Variants in LRRC8C observed in about 807,000 individuals in gnomAD.
LRRC8C encodes volume-regulated anion channel subunit LRRC8C.
In LRRC8C, 20 loss-of-function variants were observed where a neutral mutation model predicts 55.3. The ratio of observed to expected loss-of-function variants is 0.36; its 90% CI spans 0.25 to 0.53. LRRC8C has a LOEUF of 0.53. LRRC8C is among the 20% of genes least tolerant of loss of function. LRRC8C has a pLI of 0.92. For missense variants in LRRC8C, 659 were observed against 951.4 expected, an observed-to-expected ratio of 0.69 and a Z score of 4.04; for synonymous variants, 376 against 360.7, an observed-to-expected ratio of 1.04 and a Z score of -0.48.
chr1:89,651,722 A>G (rs1304065261), intron 1 of LRRC8C, among the ~76,000 whole-genome samples: 1 of 152,198 alleles, frequency 6.6e-6, no homozygotes, highest in Non-Finnish European at 1.5e-5. Flanking sequence ...AAAGCTTTGT[A>G]ATAAACTTGC....
chr1:89,661,259 T>C, intron 1 of LRRC8C: 1 of 277,258 alleles, frequency 3.6e-6, no homozygotes. Flanking sequence ...CCACAATTAC[T>C]GAGTAGAACT....
intron 1 of LRRC8C, among the ~76,000 whole-genome samples, chr1:89,671,944 T>C (rs1366061943): frequency 6.6e-6 from 1 of 152,188 alleles, no homozygotes; most frequent in Non-Finnish European, 1.5e-5. Context: ...TAAGAGCATG[T>C]CATGTGTTGC....
intron 1 of LRRC8C, among the ~76,000 whole-genome samples, chr1:89,665,729 G>A (rs903065210): frequency 6.6e-6 from 1 of 152,058 alleles, no homozygotes; most frequent in Admixed American, 6.5e-5. Context: ...TGTAGCCTAG[G>A]TGTACAGTGT....
At position 89,714,063 on chromosome 1, in the gene LRRC8C, T is replaced by C; in HGVS notation, c.1493T>C (p.Val498Ala). Residue 498 changes from valine (V) to alanine (A), a missense_variant, in exon 3 of 3, where the codon GTC becomes GCC. Physicochemically the swap from Val to Ala is moderately conservative, Grantham distance 64. Coordinates refer to ENST00000370454, the MANE Select transcript of LRRC8C (RefSeq NM_032270.5). This position sits in a 1 kb window ranked among gnomAD's most constrained non-coding sequence, Gnocchi z 4.6. ...AAGGAAAACCTCAAGGTCTTGAGCG[T>C]CAAGTTTGATGACATGAGGGAACTC... ...FLKENLKVLS[V>A]KFDDMRELPP... The C allele has an allele frequency of 1.9e-6, 3 of 1,613,922 alleles. No homozygotes were observed. The highest frequency in any genetic ancestry group is 1.7e-6 in the Non-Finnish European group (2 of 1,180,010).
the LRRC8C span, among the ~76,000 whole-genome samples, chr1:89,623,151 G>GACAC: frequency 1.2e-3 from 179 of 149,750 alleles, no homozygotes; most frequent in Non-Finnish European, 2.2e-3. Flanking sequence ...AACTAACTCA[G>GACAC]ACACACACAC....
chr1:89,713,496 A>G lies in LRRC8C; in HGVS notation c.926A>G (p.Asn309Ser), dbSNP rs368604853. The change falls in exon 3 of 3, where the codon AAT (asparagine) becomes AGT (serine). Residue 309 changes from asparagine to serine, a missense_variant. This residue lies in a region of LRRC8C where 200 missense variants were observed against 360.5 expected (regional missense o/e 0.55). Transcript: ENST00000370454. The surrounding 1 kb of genome is among the most constrained non-coding windows in gnomAD (Gnocchi z 5.2). ...ACTGGATATAAAAACTTTTCTTGCA[A>G]TCATACCATGGCACACTTGTTCTCA... ...DMTGYKNFSC[N>S]HTMAHLFSKL... The G allele has an allele frequency of 2.5e-5, 41 of 1,614,046 alleles. No homozygotes were observed. The highest frequency in any genetic ancestry group is 5.3e-5 in the African/African-American group (4 of 74,936).
intron 1 of LRRC8C, among the ~76,000 whole-genome samples, chr1:89,645,903 G>GA (rs1377225157): frequency 6.6e-6 from 1 of 151,746 alleles, no homozygotes; most frequent in African/African-American, 2.4e-5. Context: ...AAATTAATGG[G>GA]AAAAAATAAT....
At chr1:89,641,231 A>T (rs1448600978) in intron 1 of LRRC8C, among the ~76,000 whole-genome samples, 1 of 152,214 alleles carries the variant, frequency 6.6e-6, no homozygotes, top group Non-Finnish European at 1.5e-5. Flanking sequence ...ATTTCTGAGC[A>T]TGTGTTAAAA....
chr1:89,619,164 T>C, the LRRC8C span, among the ~76,000 whole-genome samples: 2 of 152,184 alleles, frequency 1.3e-5, no homozygotes, highest in Non-Finnish European at 2.9e-5. Flanking sequence ...TTCAAAATTA[T>C]TGGTGTGTAG....
chr1:89,658,573 C>T (rs991690599), intron 1 of LRRC8C, among the ~76,000 whole-genome samples: 1 of 152,066 alleles, frequency 6.6e-6, no homozygotes, highest in African/African-American at 2.4e-5. Flanking sequence ...GAAGATTATA[C>T]CTAAATACCA....
chr1:89,708,923 C>T (rs992778070), intron 2 of LRRC8C, among the ~76,000 whole-genome samples: 1 of 152,228 alleles, frequency 6.6e-6, no homozygotes, highest in Admixed American at 6.5e-5. Flanking sequence ...TGAGATGCTA[C>T]TGTTCTTAGT....
At chr1:89,671,716 C>T (rs138675253) in intron 1 of LRRC8C, among the ~76,000 whole-genome samples, 25 of 152,242 alleles carry the variant, frequency 1.6e-4, no homozygotes, top group East Asian at 5.8e-4. Flanking sequence ...ATGATGTTTA[C>T]GCTGAATTAA....
intron 1 of LRRC8C, among the ~76,000 whole-genome samples, chr1:89,678,964 G>A (rs752193785): frequency 2.0e-4 from 31 of 152,168 alleles, no homozygotes; most frequent in Admixed American, 7.9e-4. Context: ...AGGAGATGTC[G>A]AGTACGTAGT....
intron 1 of LRRC8C, among the ~76,000 whole-genome samples, chr1:89,679,687 G>A (rs1657644671): frequency 6.6e-6 from 1 of 152,152 alleles, no homozygotes; most frequent in African/African-American, 2.4e-5. Context: ...AAATTGTTTT[G>A]TATTCGTTTT....
intron 1 of LRRC8C, among the ~76,000 whole-genome samples, chr1:89,672,740 C>G (rs1224454267): frequency 1.3e-5 from 2 of 152,132 alleles, no homozygotes; most frequent in African/African-American, 4.8e-5. Context: ...TAGAAATGAA[C>G]CAACTTATCT....
At chr1:89,703,875 C>A (rs902763324) in intron 2 of LRRC8C, among the ~76,000 whole-genome samples, 1 of 151,424 alleles carries the variant, frequency 6.6e-6, no homozygotes, top group African/African-American at 2.4e-5. Context: ...TATGAGTGAG[C>A]AAAATAATGG....
chr1:89,680,797 G>A (rs1424716689), intron 1 of LRRC8C, among the ~76,000 whole-genome samples: 1 of 151,958 alleles, frequency 6.6e-6, no homozygotes, highest in African/African-American at 2.4e-5. Flanking sequence ...CTGATCTCAA[G>A]TGATCCACCC....
chr1:89,710,438 CT>C (rs2101353174), intron 2 of LRRC8C, among the ~76,000 whole-genome samples: 1 of 152,034 alleles, frequency 6.6e-6, no homozygotes, highest in Non-Finnish European at 1.5e-5. Context: ...AATAAGTTAG[CT>C]TTTTGATTAT....
intron 2 of LRRC8C, among the ~76,000 whole-genome samples, chr1:89,711,094 C>T (rs1658636026): frequency 1.3e-5 from 2 of 152,176 alleles, no homozygotes; most frequent in Admixed American, 6.5e-5. Context: ...CTATAATCAC[C>T]ATCTTCATCT....
Sources: allele counts gnomAD v4.1 joint callset (sites outside exome capture counted in the v4.1 genomes callset), GRCh38; gene constraint gnomAD v4.1.1; regional missense constraint gnomAD v4.1.1; non-coding constraint Gnocchi (gnomAD v3.1); transcripts MANE v1.5; gene names NCBI Gene and HGNC (gene_info 2026-07-23, HGNC 2026-07-21).